Variants in ATOSA observed in about 807,000 individuals in gnomAD.
ATOSA encodes the protein atos homolog A, also known as atos homolog protein A.
chr15:52,699,636 T>C, the ATOSA span, among the ~76,000 whole-genome samples: 1 of 151,982 alleles, frequency 6.6e-6, no homozygotes, highest in East Asian at 1.9e-4. Flanking sequence ...GTTCCTTTTG[T>C]CTCAGAGAAT....
At chr15:52,675,876 A>G in the ATOSA span, among the ~76,000 whole-genome samples, 1 of 151,848 alleles carries the variant, frequency 6.6e-6, no homozygotes, top group Non-Finnish European at 1.5e-5. Flanking sequence ...ACTGCACTCC[A>G]GCCTGGGCGA....
the ATOSA span, chr15:52,649,784 C>T: frequency 3.3e-5 from 5 of 152,162 alleles, no homozygotes; most frequent in African/African-American, 4.8e-5. Context: ...CTCAACTACC[C>T]TGAAGTTCTG....
the ATOSA span, among the ~76,000 whole-genome samples, chr15:52,596,452 C>A: frequency 5.3e-5 from 8 of 152,186 alleles, no homozygotes; most frequent in African/African-American, 1.9e-4. Flanking sequence ...TAAAAGGGAA[C>A]CTTGATCGCA....
the ATOSA span, chr15:52,609,923 T>C: frequency 6.2e-7 from 1 of 1,610,630 alleles, no homozygotes; most frequent in Non-Finnish European, 8.5e-7. Context: ...CTCACTGATG[T>C]TTCTTGTGAT....
At chr15:52,636,094 T>C in the ATOSA span, among the ~76,000 whole-genome samples, 1 of 140,670 alleles carries the variant, frequency 7.1e-6, no homozygotes, top group South Asian at 2.2e-4. Context: ...AATAATAAAA[T>C]TAAATATTAA....
At chr15:52,586,198 G>A in the ATOSA span, 1 of 152,026 alleles carries the variant, frequency 6.6e-6, no homozygotes, top group Non-Finnish European at 1.5e-5. Context: ...TTTACTTGTG[G>A]TATTCTTGTG....
chr15:52,628,604 GT>G, the ATOSA span, among the ~76,000 whole-genome samples: 2 of 151,980 alleles, frequency 1.3e-5, no homozygotes, highest in East Asian at 1.9e-4. Context: ...ATGTGATATA[GT>G]TTTTTAAAAA....
At chr15:52,649,266 G>T in the ATOSA span, among the ~76,000 whole-genome samples, 1 of 152,024 alleles carries the variant, frequency 6.6e-6, no homozygotes. Context: ...TGAAATTTCC[G>T]CAAGGAAGAG....
At chr15:52,591,922 T>C in the ATOSA span, among the ~76,000 whole-genome samples, 1 of 152,172 alleles carries the variant, frequency 6.6e-6, no homozygotes, top group Non-Finnish European at 1.5e-5. Context: ...GATGTGAACG[T>C]TGTTGGGAAA....
the ATOSA span, among the ~76,000 whole-genome samples, chr15:52,592,420 T>C: frequency 6.6e-6 from 1 of 152,244 alleles, no homozygotes; most frequent in African/African-American, 2.4e-5. Flanking sequence ...CTTTGTCTTT[T>C]GGAAGAGGGC....
the ATOSA span, among the ~76,000 whole-genome samples, chr15:52,612,274 A>G: frequency 6.6e-6 from 1 of 152,024 alleles, no homozygotes; most frequent in African/African-American, 2.4e-5. Flanking sequence ...AATGAGCCAC[A>G]GTGCCCCTGC....
the ATOSA span, among the ~76,000 whole-genome samples, chr15:52,707,774 C>T: frequency 2.0e-5 from 3 of 151,708 alleles, no homozygotes; most frequent in Admixed American, 6.6e-5. Context: ...AAAGTCAAAT[C>T]GTGGAAAAGG....
the ATOSA span, chr15:52,582,403 C>G: frequency 1.9e-6 from 2 of 1,067,922 alleles, no homozygotes; most frequent in Non-Finnish European, 2.6e-6. Context: ...ACAAATCTTG[C>G]TACAATATTA....
At chr15:52,618,085 C>T in the ATOSA span, among the ~76,000 whole-genome samples, 1 of 151,858 alleles carries the variant, frequency 6.6e-6, no homozygotes, top group African/African-American at 2.4e-5. Context: ...GTCGCCCAGG[C>T]TGGAGCGCAG....
chr15:52,641,797 G>A, the ATOSA span, among the ~76,000 whole-genome samples: 1 of 152,184 alleles, frequency 6.6e-6, no homozygotes, highest in Admixed American at 6.5e-5. Context: ...CCACAAAGTA[G>A]TTTCATATTG....
At chr15:52,657,946 A>AT in the ATOSA span, 1 of 152,180 alleles carries the variant, frequency 6.6e-6, no homozygotes. Context: ...GTCGATAGGG[A>AT]TGTTGTCATG....
the ATOSA span, among the ~76,000 whole-genome samples, chr15:52,612,659 C>T: frequency 1.3e-5 from 2 of 151,908 alleles, no homozygotes; most frequent in Non-Finnish European, 2.9e-5. Flanking sequence ...CACCCACCAC[C>T]ACACCCAGCG....
chr15:52,611,889 T>C, the ATOSA span: 11 of 929,524 alleles, frequency 1.2e-5, 1 homozygote, highest in South Asian at 1.9e-4. Context: ...GAGTCAGCTA[T>C]TGCAGAGCTT....
At chr15:52,688,684 A>C in the ATOSA span, among the ~76,000 whole-genome samples, 1 of 152,168 alleles carries the variant, frequency 6.6e-6, no homozygotes, top group Admixed American at 6.5e-5. Flanking sequence ...CTTCAGGATG[A>C]GGTTTTATCT....
Sources: allele counts gnomAD v4.1 joint callset (sites outside exome capture counted in the v4.1 genomes callset), GRCh38; gene constraint gnomAD v4.1.1; transcripts MANE v1.5; gene names NCBI Gene and HGNC (gene_info 2026-07-23, HGNC 2026-07-21).